RANBP2: variants seen among roughly 807,000 people sequenced by gnomAD.
The protein encoded by RANBP2 is RAN binding protein 2, also known as E3 SUMO-protein ligase RanBP2.
A neutral mutation model predicts 303.6 loss-of-function variants in RANBP2; 57 were observed. The ratio of observed to expected loss-of-function variants is 0.19; its 90% confidence interval spans 0.15 to 0.23. The LOEUF is 0.23. Among genes scored for constraint, RANBP2 ranks in the 10% least tolerant of loss-of-function variants. The pLI, the probability that RANBP2 is intolerant of heterozygous loss-of-function variation, is 1.00. For synonymous variants in RANBP2, 1,167 were observed against 1,301.5 expected, an observed-to-expected ratio of 0.90 and a Z score of 2.23; for missense variants, 3,138 against 3,780.8, an observed-to-expected ratio of 0.83 and a Z score of 4.46.
At chr2:109,452,269 G>A in the RANBP2 span, among the ~76,000 whole-genome samples, 1 of 152,226 alleles carries the variant, frequency 6.6e-6, no homozygotes, top group Non-Finnish European at 1.5e-5. Flanking sequence ...ACTCCCTGCA[G>A]GCCGCTTCCT....
At chr2:108,905,391 G>A in the RANBP2 span, among the ~76,000 whole-genome samples, 3 of 152,366 alleles carry the variant, frequency 2.0e-5, no homozygotes, top group East Asian at 5.8e-4. Context: ...ATGCGTTTAT[G>A]GAGAGATGCC....
the RANBP2 span, among the ~76,000 whole-genome samples, chr2:109,299,926 T>A: frequency 1.3e-5 from 2 of 152,208 alleles, no homozygotes; most frequent in Admixed American, 6.5e-5. Context: ...CAGAGCCAGC[T>A]CTTAGCAAAG....
the RANBP2 span, among the ~76,000 whole-genome samples, chr2:109,601,801 T>C: frequency 6.6e-6 from 1 of 151,916 alleles, no homozygotes; most frequent in Admixed American, 6.6e-5. Flanking sequence ...TCCTTTATGA[T>C]GTCTTACAGA....
chr2:108,906,819 C>G, the RANBP2 span, among the ~76,000 whole-genome samples: 1 of 152,222 alleles, frequency 6.6e-6, no homozygotes, highest in African/African-American at 2.4e-5. Flanking sequence ...CCACCTATCT[C>G]CCTTGTAACA....
chr2:109,449,060 G>A, the RANBP2 span: 2 of 1,301,278 alleles, frequency 1.5e-6, no homozygotes, highest in Non-Finnish European at 1.1e-6. Flanking sequence ...TTCAGAGAGA[G>A]GCTGTGAGTG....
the RANBP2 span, chr2:108,839,337 C>T: frequency 6.6e-7 from 1 of 1,524,154 alleles, no homozygotes; most frequent in East Asian, 2.3e-5. Flanking sequence ...ATAAGTAATA[C>T]TCCACCTAAT....
chr2:109,653,338 T>A, the RANBP2 span, among the ~76,000 whole-genome samples: 3 of 150,708 alleles, frequency 2.0e-5, no homozygotes, highest in Admixed American at 6.6e-5. Flanking sequence ...GAGTTTGGAG[T>A]GAGCCGAGTT....
the RANBP2 span, among the ~76,000 whole-genome samples, chr2:109,250,370 T>A: frequency 3.9e-5 from 6 of 152,266 alleles, no homozygotes; most frequent in South Asian, 6.2e-4. Flanking sequence ...CTGAATTCAC[T>A]TCTGAGCTTA....
chr2:109,335,571 C>A, the RANBP2 span, among the ~76,000 whole-genome samples: 1 of 152,184 alleles, frequency 6.6e-6, no homozygotes, highest in South Asian at 2.1e-4. Flanking sequence ...CATGTCCCCT[C>A]CCCTGGTTTA....
At chr2:108,752,100 C>T (rs1057960) in intron 12 of RANBP2, 106 bp downstream of exon 12, 33 of 1,578,972 alleles carry the variant, frequency 2.1e-5, no homozygotes, top group South Asian at 8.2e-5. Flanking sequence ...AGCTTGGTCA[C>T]ATTATGACAG....
chr2:109,633,955 A>G, the RANBP2 span, among the ~76,000 whole-genome samples: 1 of 151,744 alleles, frequency 6.6e-6, no homozygotes, highest in Admixed American at 6.6e-5. Flanking sequence ...CCCCATCTCT[A>G]TTAAACATAC....
the RANBP2 span, among the ~76,000 whole-genome samples, chr2:109,213,442 C>T: frequency 8.5e-5 from 13 of 152,200 alleles, no homozygotes; most frequent in Non-Finnish European, 1.6e-4. Context: ...CAGAAGCATC[C>T]AGGACACTTC....
chr2:109,626,129 C>T, the RANBP2 span, among the ~76,000 whole-genome samples: 59,614 of 152,062 alleles, frequency 0.39, 12,835 homozygotes, highest in Middle Eastern at 0.57. Context: ...CTGTTCGTCC[C>T]TATTTTGTTG....
At chr2:108,849,323 A>G in the RANBP2 span, among the ~76,000 whole-genome samples, 1 of 152,204 alleles carries the variant, frequency 6.6e-6, no homozygotes, top group Non-Finnish European at 1.5e-5. Flanking sequence ...TTTTTGAAAT[A>G]TGGTGAAAAC....
At chr2:108,915,517 G>C in the RANBP2 span, among the ~76,000 whole-genome samples, 1 of 152,184 alleles carries the variant, frequency 6.6e-6, no homozygotes, top group African/African-American at 2.4e-5. Flanking sequence ...ATGAATGGAG[G>C]CTTTTTTCCT....
At chr2:109,651,689 G>A in the RANBP2 span, among the ~76,000 whole-genome samples, 5 of 152,174 alleles carry the variant, frequency 3.3e-5, no homozygotes, top group African/African-American at 1.2e-4. Flanking sequence ...GTTGGCTGGG[G>A]ACTTAGAACA....
chr2:108,882,327 A>G, the RANBP2 span: 1 of 152,166 alleles, frequency 6.6e-6, no homozygotes, highest in Non-Finnish European at 1.5e-5. Flanking sequence ...CAAATCTTCA[A>G]TTTGTAAAAA....
At chr2:109,050,305 G>A in the RANBP2 span, among the ~76,000 whole-genome samples, 1 of 151,700 alleles carries the variant, frequency 6.6e-6, no homozygotes, top group Non-Finnish European at 1.5e-5. Context: ...CTAGGCTAGA[G>A]TACAGTGGTG....
chr2:109,614,852 G>C, the RANBP2 span: 39 of 1,399,804 alleles, frequency 2.8e-5, no homozygotes, highest in Non-Finnish European at 3.5e-5. Flanking sequence ...TCCCCGACGC[G>C]GCGGCCCCGG....
Sources: gnomAD v4.1 joint callset for allele counts (sites outside exome capture counted in the v4.1 genomes callset) on GRCh38, gnomAD v4.1.1 for gene constraint, MANE v1.5 for transcripts, NCBI Gene and HGNC (gene_info 2026-07-23, HGNC 2026-07-21) for gene names.